Variants in NELL1 observed in about 807,000 individuals in gnomAD.
NELL1 encodes the protein neural EGFL like 1.
NELL1 carries 76 observed loss-of-function variants against 107.4 expected under a neutral mutation model. That is an observed-to-expected ratio of 0.71 (90% CI 0.59 to 0.86). The LOEUF (loss-of-function observed/expected upper bound fraction) is 0.86. NELL1 is among the 40% of genes least tolerant of loss of function. The pLI, the probability that NELL1 is intolerant of heterozygous loss-of-function variation, is 0.00. For synonymous variants in NELL1, 353 were observed against 341.2 expected, an observed-to-expected ratio of 1.03 and a Z score of -0.38; for missense variants, 1,024 against 1,005.5, an observed-to-expected ratio of 1.02 and a Z score of -0.25.
At chr11:21,030,714 C>T (rs1322983241) in intron 12 of NELL1, among the ~76,000 whole-genome samples, 2 of 141,538 alleles carry the variant, frequency 1.4e-5, no homozygotes, top group African/African-American at 2.6e-5. Flanking sequence ...TGTTCTAAAA[C>T]TTATTTGTTA....
At chr11:21,307,480 C>G (rs982436638) in intron 14 of NELL1, among the ~76,000 whole-genome samples, 4 of 151,944 alleles carry the variant, frequency 2.6e-5, no homozygotes, top group African/African-American at 9.7e-5. Flanking sequence ...TACCGGTACA[C>G]TCACACACAG....
intron 5 of NELL1, among the ~76,000 whole-genome samples, chr11:20,901,998 C>A (rs181018305): frequency 1.8e-4 from 28 of 152,168 alleles, no homozygotes; most frequent in Non-Finnish European, 3.4e-4. Flanking sequence ...GGACCCCATA[C>A]ATAAAAATCA....
chr11:20,747,412 A>C (rs961699812), intron 2 of NELL1, among the ~76,000 whole-genome samples: 1 of 152,194 alleles, frequency 6.6e-6, no homozygotes, highest in Non-Finnish European at 1.5e-5. Context: ...GCACCCTTTC[A>C]TTCAAAAGAG....
chr11:21,122,232 T>C (rs571458952), intron 13 of NELL1, among the ~76,000 whole-genome samples: 1 of 152,290 alleles, frequency 6.6e-6, no homozygotes, highest in South Asian at 2.1e-4. Flanking sequence ...AAAAGCCTTG[T>C]TAATATTTCT....
At chr11:20,722,295 A>G (rs1177008671) in intron 2 of NELL1, among the ~76,000 whole-genome samples, 1 of 152,172 alleles carries the variant, frequency 6.6e-6, no homozygotes, top group African/African-American at 2.4e-5. Context: ...TGCTGGGATT[A>G]CAGGCATGAG....
chr11:21,309,291 T>TATATGTATATATATA (rs1565160512), intron 14 of NELL1, among the ~76,000 whole-genome samples: 5 of 78,836 alleles, frequency 6.3e-5, no homozygotes, highest in African/African-American at 2.0e-4. Context: ...TATATATATA[T>TATATGTATATATATA]ATATATATGT....
chr11:20,786,186 C>T (rs1267623410), intron 3 of NELL1, among the ~76,000 whole-genome samples: 5 of 151,746 alleles, frequency 3.3e-5, no homozygotes, highest in Non-Finnish European at 5.9e-5. Flanking sequence ...CCCGTCTCCA[C>T]TTAAAATACA....
chr11:21,327,268 C>A (rs142824634), intron 14 of NELL1, among the ~76,000 whole-genome samples: 19,208 of 149,676 alleles, frequency 0.13, 1,349 homozygotes, highest in Non-Finnish European at 0.16. Flanking sequence ...CTGGGTGCAG[C>A]ACACCAACAT....
intron 12 of NELL1, among the ~76,000 whole-genome samples, chr11:21,021,069 G>A (rs1439776454): frequency 6.8e-6 from 1 of 147,006 alleles, no homozygotes; most frequent in Non-Finnish European, 1.5e-5. Context: ...TCTCTTTACT[G>A]TAGTTTTTAG....
intron 14 of NELL1, among the ~76,000 whole-genome samples, chr11:21,281,093 C>T (rs1352523733): frequency 1.3e-5 from 2 of 151,604 alleles, no homozygotes; most frequent in Non-Finnish European, 2.9e-5. Context: ...AGGACTTTGT[C>T]TTCCATCTTG....
chr11:20,766,740 A>ATTTTT (rs202218877), intron 2 of NELL1, among the ~76,000 whole-genome samples: 45 of 139,712 alleles, frequency 3.2e-4, no homozygotes, highest in African/African-American at 7.1e-4. Flanking sequence ...CTATTGACAT[A>ATTTTT]TTTTTTTTTT....
chr11:21,286,257 C>T (rs1849112540), intron 14 of NELL1, among the ~76,000 whole-genome samples: 1 of 152,182 alleles, frequency 6.6e-6, no homozygotes, highest in Non-Finnish European at 1.5e-5. Flanking sequence ...AAAGTGACTA[C>T]CTGAAACCCT....
chr11:21,533,599 T>C (rs1049169340), intron 15 of NELL1, among the ~76,000 whole-genome samples: 10 of 152,202 alleles, frequency 6.6e-5, no homozygotes, highest in Middle Eastern at 6.8e-3. Flanking sequence ...AATCTATACA[T>C]GAACCGGGTA....
At chr11:20,926,404 G>A (rs1056413085) in intron 7 of NELL1, among the ~76,000 whole-genome samples, 2 of 152,076 alleles carry the variant, frequency 1.3e-5, no homozygotes, top group Non-Finnish European at 2.9e-5. Context: ...TTGAAGATTA[G>A]GTTTGCTCAG....
chr11:20,969,416 A>G lies in NELL1; in HGVS notation c.1300+8856A>G, dbSNP rs114133002. ...AGCTAACACTACCAGAGGTAAATGTATTCTTTAAAGAGGATGCTTTATAAT... is the reference window on the plus strand; with the variant it reads ...AGCTAACACTACCAGAGGTAAATGTGTTCTTTAAAGAGGATGCTTTATAAT... On this transcript the variant is annotated intron_variant, in intron 12 of 19. Coordinates refer to ENST00000357134, the MANE Select transcript of NELL1 (RefSeq NM_006157.5). Among the ~76,000 whole-genome samples the G allele has an allele frequency of 5.7e-3, 863 of 152,310 alleles. 12 individuals are homozygous for G. Among genetic ancestry groups the G allele is most frequent in the African/African-American group, 0.02 (819 of 41,556 alleles).
chr11:21,397,174 T>A (rs1437302179), intron 15 of NELL1, among the ~76,000 whole-genome samples: 1 of 151,606 alleles, frequency 6.6e-6, no homozygotes, highest in Non-Finnish European at 1.5e-5. Flanking sequence ...ACACGAGGAA[T>A]CATATAGCTG....
At chr11:21,318,812 G>A (rs949433720) in intron 14 of NELL1, among the ~76,000 whole-genome samples, 2 of 152,034 alleles carry the variant, frequency 1.3e-5, no homozygotes, top group Non-Finnish European at 2.9e-5. Flanking sequence ...TCTGCTAGGA[G>A]TAAATCAAAA....
At chr11:21,010,931 A>G (rs1852433531) in intron 12 of NELL1, among the ~76,000 whole-genome samples, 1 of 152,094 alleles carries the variant, frequency 6.6e-6, no homozygotes, top group Non-Finnish European at 1.5e-5. Context: ...GTACAATGCC[A>G]TTGATTAGAC....
At chr11:21,359,725 G>A (rs961004942) in intron 14 of NELL1, among the ~76,000 whole-genome samples, 1 of 152,112 alleles carries the variant, frequency 6.6e-6, no homozygotes, top group African/African-American at 2.4e-5. Flanking sequence ...TGAGAGGGGT[G>A]TATATTTCCA....
Sources: allele counts gnomAD v4.1 joint callset (sites outside exome capture counted in the v4.1 genomes callset), GRCh38; gene constraint gnomAD v4.1.1; transcripts MANE v1.5; gene names NCBI Gene and HGNC (gene_info 2026-07-23, HGNC 2026-07-21).